The following DTL variants were observed in gnomAD, a reference collection of about 807,000 sequenced individuals.
DTL encodes denticleless protein homolog.
Under a neutral mutation model 87.0 loss-of-function variants are expected in DTL, and 46 were observed. The observed-to-expected ratio is 0.53, with a 90% CI of 0.42 to 0.68. DTL has a LOEUF of 0.68. Among genes scored for constraint, DTL ranks in the 30% least tolerant of loss-of-function variants. The pLI is 0.00. For missense variants in DTL, 737 were observed against 869.4 expected, an observed-to-expected ratio of 0.85 and a Z score of 1.91; for synonymous variants, 308 against 311.2, an observed-to-expected ratio of 0.99 and a Z score of 0.11.
At chr1:212,059,827 A>G (rs984140623) in intron 5 of DTL, among the ~76,000 whole-genome samples, 14 of 151,696 alleles carry the variant, frequency 9.2e-5, no homozygotes, top group African/African-American at 3.4e-4. Context: ...AAATTCATTA[A>G]AAGTTGCAGA....
intron 7 of DTL, among the ~76,000 whole-genome samples, chr1:212,066,422 T>C (rs990039119): frequency 2.0e-5 from 3 of 152,230 alleles, no homozygotes; most frequent in African/African-American, 7.2e-5. Context: ...TTATTCATAA[T>C]TCTTTTGATA....
chr1:212,096,171 A>G lies in DTL; in HGVS notation c.1262-4081A>G, dbSNP rs548102233. On this transcript the variant is annotated intron_variant, in intron 13 of 14. Transcript: ENST00000366991. ...TTGTGAGCACAAATGTGTTCATAGT[A>G]GCCTTGAATGATCTTTTGTATTTCT... Among the ~76,000 whole-genome samples, 6 of 152,308 alleles carry G rather than the reference A, an allele frequency of 3.9e-5. No homozygotes were observed. The East Asian group carries it at 1.2e-3, about 29-fold the overall frequency.
intron 13 of DTL, 46 bp from the exon 14 acceptor site, chr1:212,100,206 G>C (rs769748879): frequency 1.4e-6 from 2 of 1,424,988 alleles, no homozygotes; most frequent in Non-Finnish European, 1.9e-6. Flanking sequence ...TAGGGACTTT[G>C]TATGGCTTTC....
At chr1:212,036,373 A>G (rs1366543688) in intron 1 of DTL, among the ~76,000 whole-genome samples, 2 of 152,162 alleles carry the variant, frequency 1.3e-5, no homozygotes, top group Non-Finnish European at 1.5e-5. Context: ...AGTGAATATG[A>G]CCCGCTGTTA....
chr1:212,084,766 C>G (rs1003529656), intron 13 of DTL, among the ~76,000 whole-genome samples: 2 of 152,190 alleles, frequency 1.3e-5, no homozygotes, highest in Non-Finnish European at 2.9e-5. Flanking sequence ...CCACCACTAT[C>G]AAACCTTCAT....
At chr1:212,093,442 T>C (rs561524704) in intron 13 of DTL, among the ~76,000 whole-genome samples, 13 of 152,210 alleles carry the variant, frequency 8.5e-5, no homozygotes, top group Non-Finnish European at 7.3e-5. Flanking sequence ...TCGGATCACA[T>C]GTGGGCTTGG....
chr1:212,096,533 C>T (rs552558261), intron 13 of DTL, among the ~76,000 whole-genome samples: 9 of 152,310 alleles, frequency 5.9e-5, no homozygotes, highest in Non-Finnish European at 1.2e-4. Flanking sequence ...CCTCTTAGCA[C>T]TGCTTTTGCT....
chr1:212,080,722 G>A lies in DTL; in HGVS notation c.1233G>A (p.Gln411=). Residue 411 remains glutamine (Q), a synonymous_variant, in exon 13 of 15, where the codon CAG becomes CAA. Transcript: ENST00000366991. ...TTTCCACGGTGGGTTGGGCCTCTCAGAAGAAAAAAGAGTCAAGACCTGGCC... is the reference window on the plus strand; with the variant it reads ...TTTCCACGGTGGGTTGGGCCTCTCAAAAGAAAAAAGAGTCAAGACCTGGCC... ...DKLSTVGWAS[Q]KKKESRPGLV... The A allele has an allele frequency of 6.2e-7, 1 of 1,613,276 alleles. No individual in the cohort carries two copies. Among genetic ancestry groups the A allele is most frequent in the Non-Finnish European group, 8.5e-7 (1 of 1,179,524 alleles).
intron 5 of DTL, among the ~76,000 whole-genome samples, chr1:212,056,013 T>C (rs999853017): frequency 3.9e-5 from 6 of 152,200 alleles, no homozygotes; most frequent in Non-Finnish European, 8.8e-5. Flanking sequence ...CTGCCCAACC[T>C]GTCACAGCCA....
chr1:212,102,942 T>A lies in DTL; in HGVS notation c.*2T>A, dbSNP rs1655667375. The stretch of plus-strand genomic sequence containing the variant: ...CCTGAACACTCAACAGAATTATAGA[T>A]TCTAATCTGAGTGAGTTACTGAGCT... On this transcript the variant is annotated 3_prime_UTR_variant, in exon 15 of 15. Coordinates refer to ENST00000366991, the MANE Select transcript of DTL (RefSeq NM_016448.4). 1 of 1,553,974 alleles carries A rather than the reference T, an allele frequency of 6.4e-7. No individual in the cohort carries two copies. The highest frequency in any genetic ancestry group is 1.4e-5 in the African/African-American group (1 of 73,086).
At chr1:212,068,455 A>G in intron 9 of DTL, 128 bp downstream of exon 9, 1 of 839,998 alleles carries the variant, frequency 1.2e-6, no homozygotes, top group South Asian at 1.8e-5. Context: ...AAAACTCAGA[A>G]GAATGTTTTT....
chr1:212,047,697 A>ACCTG (rs1667848611), intron 5 of DTL, among the ~76,000 whole-genome samples: 1 of 152,032 alleles, frequency 6.6e-6, no homozygotes, highest in South Asian at 2.1e-4. Context: ...CACCATGCCC[A>ACCTG]GCTAATTTTT....
At chr1:212,075,933 A>G (rs1184295908) in intron 11 of DTL, among the ~76,000 whole-genome samples, 1 of 152,170 alleles carries the variant, frequency 6.6e-6, no homozygotes, top group East Asian at 1.9e-4. Flanking sequence ...TGGATTTGCT[A>G]TTCTAGACAT....
chr1:212,055,530 G>A (rs1283715595), intron 5 of DTL, among the ~76,000 whole-genome samples: 2 of 152,106 alleles, frequency 1.3e-5, no homozygotes, highest in Non-Finnish European at 1.5e-5. Flanking sequence ...CTGAGTGGAG[G>A]GGCAGCTGCA....
chr1:212,101,157 G>T, intron 14 of DTL, 73 bp downstream of exon 14: 1 of 896,304 alleles, frequency 1.1e-6, no homozygotes, highest in Non-Finnish European at 1.5e-6. Flanking sequence ...CTCAAGTCAG[G>T]ATGCTTTTTT....
chr1:212,047,766 G>C (rs1189621355), intron 5 of DTL, among the ~76,000 whole-genome samples: 1 of 152,084 alleles, frequency 6.6e-6, no homozygotes, highest in Non-Finnish European at 1.5e-5. Context: ...GAACTCCTGA[G>C]CTCAGGCAAT....
chr1:212,066,900 C>CT lies in DTL; in HGVS notation c.713+21dup. 3 of 1,604,300 alleles carry CT rather than the reference C, an allele frequency of 1.9e-6. No individual in the cohort carries two copies. Among genetic ancestry groups the CT allele is most frequent in the South Asian group, 1.1e-5 (1 of 90,574 alleles). Reference sequence around the variant, plus strand: ...GCTGTGGATGGGTAAGAGTCTATTTCTTTTTTCTTCCGACGAGATCTTTTT... The same window carrying CT: ...GCTGTGGATGGGTAAGAGTCTATTTCTTTTTTTCTTCCGACGAGATCTTTTT... On this transcript the variant is annotated intron_variant, in intron 8 of 14. Transcript: ENST00000366991.
At chr1:212,044,019 G>A (rs1571939438) in intron 2 of DTL, among the ~76,000 whole-genome samples, 1 of 152,054 alleles carries the variant, frequency 6.6e-6, no homozygotes, top group East Asian at 1.9e-4. Flanking sequence ...AACCTGGGAG[G>A]CGGAAGTTGC....
intron 10 of DTL, 48 bp downstream of exon 10, chr1:212,068,751 CT>C (rs748367165): frequency 1.4e-5 from 17 of 1,221,002 alleles, no homozygotes; most frequent in East Asian, 4.7e-5. Context: ...GCATTATGGG[CT>C]TTTTTTGGTA....
Sources: allele counts gnomAD v4.1 joint callset (sites outside exome capture counted in the v4.1 genomes callset), GRCh38; gene constraint gnomAD v4.1.1; transcripts MANE v1.5; gene names NCBI Gene and HGNC (gene_info 2026-07-23, HGNC 2026-07-21).